Variants in THSD4 observed in about 807,000 individuals in gnomAD.
The protein encoded by THSD4 is thrombospondin type-1 domain-containing protein 4.
In THSD4, 69 loss-of-function variants were observed where a neutral mutation model predicts 119.0. The ratio of observed to expected loss-of-function variants is 0.58; its 90% CI spans 0.48 to 0.71. The LOEUF (loss-of-function observed/expected upper bound fraction) is 0.71, where lower values mean the gene tolerates loss of function less well. Among genes scored for constraint, THSD4 ranks in the 30% least tolerant of loss-of-function variants. The pLI is 0.00. For missense variants in THSD4, 1,393 were observed against 1,391.1 expected, an observed-to-expected ratio of 1.00 and a Z score of -0.02; for synonymous variants, 524 against 540.4, an observed-to-expected ratio of 0.97 and a Z score of 0.42.
intron 8 of THSD4, among the ~76,000 whole-genome samples, chr15:71,669,457 C>T (rs1449330854): frequency 1.3e-5 from 2 of 152,034 alleles, no homozygotes; most frequent in Non-Finnish European, 2.9e-5. Context: ...GGTACATGTG[C>T]AGAAAGTGCA....
intron 16 of THSD4, chr15:71,767,013 A>G (rs2053726943): frequency 6.6e-6 from 1 of 152,202 alleles, no homozygotes; most frequent in Admixed American, 6.5e-5. Flanking sequence ...GAGGGGCAGC[A>G]TGGGAATTTT....
chr15:71,273,593 C>G (rs113031101), intron 6 of THSD4, among the ~76,000 whole-genome samples: 2 of 152,102 alleles, frequency 1.3e-5, no homozygotes, highest in Non-Finnish European at 2.9e-5. Flanking sequence ...GTTAATTAAC[C>G]ATATTTTCTT....
At chr15:71,547,774 A>T in intron 7 of THSD4, 1 of 226,008 alleles carries the variant, frequency 4.4e-6, no homozygotes, top group Non-Finnish European at 8.4e-6. Context: ...CTCCTGCTGT[A>T]GCAGAAAAAA....
intron 6 of THSD4, among the ~76,000 whole-genome samples, chr15:71,307,911 A>C (rs900124439): frequency 1.3e-5 from 2 of 152,238 alleles, no homozygotes; most frequent in Non-Finnish European, 2.9e-5. Context: ...ATCCCCTCCC[A>C]GTGGAGTTGC....
At chr15:71,701,772 A>T (rs2052293782) in intron 8 of THSD4, among the ~76,000 whole-genome samples, 1 of 152,098 alleles carries the variant, frequency 6.6e-6, no homozygotes, top group African/African-American at 2.4e-5. Flanking sequence ...AAAGATCTGG[A>T]AGGATTCTCA....
chr15:71,185,351 C>T (rs1271057633), intron 3 of THSD4: 2 of 151,730 alleles, frequency 1.3e-5, no homozygotes, highest in Non-Finnish European at 2.9e-5. Flanking sequence ...CCTCCTGTGA[C>T]ATTGGTAGTT....
At chr15:71,583,202 A>T (rs953022174) in intron 7 of THSD4, among the ~76,000 whole-genome samples, 9 of 152,112 alleles carry the variant, frequency 5.9e-5, no homozygotes, top group African/African-American at 2.2e-4. Flanking sequence ...CCTTTTTGGC[A>T]TATAATTATT....
In THSD4 at chr15:71,748,498, T is replaced by C. The variant is rs377001279; in HGVS notation, c.2319T>C (p.Asp773=). 6.8e-6 allele frequency: 11 copies of C among 1,614,020 alleles called. No individual in the cohort carries two copies. In the African/African-American group the frequency reaches 1.2e-4, roughly 18 times the overall value. ...CVSNIGDVVD[D]EECNMKLRPN... ...GCAACATTGGGGATGTGGTTGACGA[T>C]GAGGAATGCAACATGAAGCTCCGGC... The change falls in exon 14 of 18, where the codon GAT becomes GAC. Residue 773 remains aspartate (D), a synonymous_variant. Transcript: ENST00000261862.
rs185419827 is a variant in THSD4, at chr15:71,334,538, C to T, written c.1016-77149C>T. Reference sequence around the variant, plus strand: ...ATTGTTCATGTCATTTTCTCATTCCCCAGCTCTGGGGGCAGTTGGTGCATG... The same window carrying T: ...ATTGTTCATGTCATTTTCTCATTCCTCAGCTCTGGGGGCAGTTGGTGCATG... On this transcript the variant is annotated intron_variant, in intron 6 of 17. Coordinates refer to ENST00000261862, the MANE Select transcript of THSD4 (RefSeq NM_024817.3). 1.4e-3 allele frequency among the ~76,000 whole-genome samples: 218 copies of T among 152,302 alleles called. 1 individual carries two copies. The highest frequency in any genetic ancestry group is 4.8e-3 in the Admixed American group (73 of 15,292).
intron 7 of THSD4, among the ~76,000 whole-genome samples, chr15:71,461,068 T>C (rs1213541837): frequency 6.6e-6 from 1 of 152,244 alleles, no homozygotes; most frequent in Non-Finnish European, 1.5e-5. Flanking sequence ...GACTCTAGAA[T>C]TCAGGAGCAG....
chr15:71,120,515 G>A (rs535940881), intron 1 of THSD4, among the ~76,000 whole-genome samples: 7 of 152,370 alleles, frequency 4.6e-5, no homozygotes, highest in African/African-American at 1.7e-4. Context: ...GTGCCGCTGT[G>A]TCTTGTCCCA....
chr15:71,254,262 G>A (rs952367338), intron 5 of THSD4, among the ~76,000 whole-genome samples: 5 of 152,194 alleles, frequency 3.3e-5, no homozygotes, highest in South Asian at 4.1e-4. Context: ...GGCCTTCAGC[G>A]CTCTGGGCTC....
chr15:71,232,653 G>T (rs2044070865), intron 4 of THSD4, among the ~76,000 whole-genome samples: 1 of 152,136 alleles, frequency 6.6e-6, no homozygotes, highest in Non-Finnish European at 1.5e-5. Flanking sequence ...CATTAGTGAT[G>T]GTTGGGAAGG....
chr15:71,373,283 A>T (rs2046083283), intron 6 of THSD4, among the ~76,000 whole-genome samples: 1 of 152,176 alleles, frequency 6.6e-6, no homozygotes, highest in South Asian at 2.1e-4. Flanking sequence ...AATAAGTCTG[A>T]ACTTTTAAAA....
intron 6 of THSD4, among the ~76,000 whole-genome samples, chr15:71,342,000 C>T (rs1278561036): frequency 5.3e-5 from 8 of 152,068 alleles, no homozygotes; most frequent in Admixed American, 5.2e-4. Context: ...AGAGGATTAA[C>T]TCTTGTTAAC....
chr15:71,198,177 C>T (rs115517755), intron 3 of THSD4, among the ~76,000 whole-genome samples: 2,960 of 152,292 alleles, frequency 0.019, 97 homozygotes, highest in African/African-American at 0.067. Flanking sequence ...TGGAGGATTG[C>T]GTGAGCCCAG....
chr15:71,148,745 A>G (rs2040690139), intron 2 of THSD4, among the ~76,000 whole-genome samples: 2 of 152,178 alleles, frequency 1.3e-5, no homozygotes, highest in African/African-American at 4.8e-5. Context: ...TTGTTTTGTA[A>G]AAATGTGTTG....
At chr15:71,192,093 G>C (rs1388346968) in intron 3 of THSD4, among the ~76,000 whole-genome samples, 2 of 151,682 alleles carry the variant, frequency 1.3e-5, no homozygotes, top group Admixed American at 1.3e-4. Flanking sequence ...TAGTAGAGAC[G>C]GGGTTTCACC....
chr15:71,445,029 C>A (rs2047161101), intron 7 of THSD4, among the ~76,000 whole-genome samples: 1 of 152,178 alleles, frequency 6.6e-6, no homozygotes, highest in Non-Finnish European at 1.5e-5. Context: ...TCCAACCATA[C>A]CAAACCACGT....
Sources: allele counts gnomAD v4.1 joint callset (sites outside exome capture counted in the v4.1 genomes callset), GRCh38; gene constraint gnomAD v4.1.1; transcripts MANE v1.5; gene names NCBI Gene and HGNC (gene_info 2026-07-23, HGNC 2026-07-21).